The following KRT15 variants were observed in gnomAD, a reference collection of about 807,000 sequenced individuals.
KRT15 encodes the protein keratin 15, also known as keratin, type I cytoskeletal 15.
A neutral mutation model predicts 46.6 loss-of-function variants in KRT15; 45 were observed. The observed-to-expected ratio is 0.97, with a 90% CI of 0.76 to 1.24. The LOEUF is 1.24. Ranked by LOEUF, KRT15 falls within the 50% of genes most tolerant of loss-of-function variation. The pLI is 0.00. For synonymous variants in KRT15, 221 were observed against 233.8 expected, an observed-to-expected ratio of 0.95 and a Z score of 0.50; for missense variants, 592 against 588.9, an observed-to-expected ratio of 1.01 and a Z score of -0.05.
Position 41,514,692 on chromosome 17 carries a change from G to T in KRT15, c.1248-18C>A. On this transcript the variant is annotated intron_variant, in intron 6 of 7. Coordinates refer to ENST00000254043, the MANE Select transcript of KRT15 (RefSeq NM_002275.4). ...CAGCCATCCTGAAAGAAAGAGGGAAGCTGATTTAAGCAAAGGGCACAAGCT... is the reference window on the plus strand; with the variant it reads ...CAGCCATCCTGAAAGAAAGAGGGAATCTGATTTAAGCAAAGGGCACAAGCT... The T allele has an allele frequency of 6.2e-7, 1 of 1,613,120 alleles. No homozygotes were observed. Among genetic ancestry groups the T allele is most frequent in the Non-Finnish European group, 8.5e-7 (1 of 1,179,360 alleles).
chr17:41,518,406 T>A lies in KRT15; in HGVS notation c.422A>T (p.Tyr141Phe), dbSNP rs1445498753. The A allele has an allele frequency of 8.1e-6, 13 of 1,613,920 alleles. No individual in the cohort carries two copies. The Admixed American group carries it at 2.2e-4, about 27-fold the overall frequency. Residue 141 changes from tyrosine (Y) to phenylalanine (F), a missense_variant, in exon 1 of 8, where the codon TAC becomes TTC. Physicochemically the swap from Tyr to Phe is conservative, Grantham distance 22. Transcript: ENST00000254043. ...TGGGCTGGTTGGGGTCTGCTTCTGGTACCAGTCATGGATCTTCACCTCCAG... is the reference window on the plus strand; with the variant it reads ...TGGGCTGGTTGGGGTCTGCTTCTGGAACCAGTCATGGATCTTCACCTCCAG... ...ADLEVKIHDWYQKQTPTSPEC... is the reference protein window; with the variant it reads ...ADLEVKIHDWFQKQTPTSPEC...
chr17:41,515,194 T>A (rs1905294429), intron 6 of KRT15: 1 of 492,856 alleles, frequency 2.0e-6, no homozygotes, highest in Non-Finnish European at 3.7e-6. Context: ...AATACCCATC[T>A]ATCTCATGCA....
In KRT15 at chr17:41,518,818, T is replaced by A; in HGVS notation, c.10A>T (p.Thr4Ser). 1 of 1,531,630 alleles carries A rather than the reference T, an allele frequency of 6.5e-7. No individual in the cohort carries two copies. The highest frequency in any genetic ancestry group is 8.7e-7 in the Non-Finnish European group (1 of 1,145,570). 94.9% of individuals were successfully genotyped at this position (1,531,630 alleles called of 1,614,324 possible). Residue 4 changes from threonine to serine, a missense_variant, in exon 1 of 8, where the codon ACA becomes TCA. Physicochemically the swap from Thr to Ser is moderately conservative, Grantham distance 58. Transcript: ENST00000254043. ...GTGGAGGAAGAAGTTTGCAGAAATG[T>A]GGTGGTCATGGCCAGGTAGCTGGAG... MTT[T>S]FLQTSSSTFG...
At chr17:41,514,498 G>A in intron 7 of KRT15, 151 bp downstream of exon 7, 8 of 696,798 alleles carry the variant, frequency 1.1e-5, no homozygotes, top group South Asian at 1.1e-4. Flanking sequence ...GCTGACAGAA[G>A]TTCCCACTGG....
chr17:41,516,973 A>T lies in KRT15; in HGVS notation c.582-9T>A, dbSNP rs1168315338. 1 of 1,614,174 alleles carries T rather than the reference A, an allele frequency of 6.2e-7. No homozygotes were observed. The highest frequency in any genetic ancestry group is 8.5e-7 in the Non-Finnish European group (1 of 1,180,028). On this transcript the variant is annotated splice_polypyrimidine_tract_variant and intron_variant, in intron 2 of 7. Coordinates refer to ENST00000254043, the MANE Select transcript of KRT15 (RefSeq NM_002275.4). ...CCAGCTCATTCTCATACCTGAGGAG[A>T]GGGAGGCCAAAGAAGGAAGTGGGAG...
chr17:41,518,538 TC>T lies in KRT15; in HGVS notation c.289del (p.Asp97MetfsTer39), dbSNP rs1370824752. On this transcript the variant is annotated frameshift_variant, in exon 1 of 8. Coordinates refer to ENST00000254043, the MANE Select transcript of KRT15 (RefSeq NM_002275.4). LOFTEE classifies it high-confidence loss of function. ...GGFGGGFGGGDGGLLSGNEKI... is the reference protein window; with the variant it reads ...GGFGGGFGGGXGGLLSGNEKI... Reference sequence around the variant, plus strand: ...CTCATTGCCAGAGAGGAGACCACCATCGCCACCACCAAAGCCACCACCAAAA... The same window carrying T: ...CTCATTGCCAGAGAGGAGACCACCATGCCACCACCAAAGCCACCACCAAAA... The T allele has an allele frequency of 9.3e-6, 15 of 1,613,694 alleles. No homozygotes were observed. The African/African-American group carries it at 2.0e-4, about 22-fold the overall frequency.
At chr17:41,517,242 C>A in intron 1 of KRT15, 77 bp from the exon 2 acceptor site, 2 of 1,279,392 alleles carry the variant, frequency 1.6e-6, no homozygotes, top group South Asian at 1.3e-5. Context: ...CAAGGCCAGC[C>A]CCTCATTGAA....
intron 6 of KRT15, 185 bp from the exon 7 acceptor site, chr17:41,514,859 T>TTTTG (rs1369076127): frequency 3.8e-6 from 2 of 524,234 alleles, no homozygotes; most frequent in African/African-American, 3.9e-5. Context: ...AGTAGACAGA[T>TTTTG]TTTGTTTTGT....
chr17:41,518,557 C>T lies in KRT15; in HGVS notation c.271G>A (p.Gly91Ser). The T allele has an allele frequency of 6.2e-7, 1 of 1,614,002 alleles. No individual in the cohort carries two copies. Among genetic ancestry groups the T allele is most frequent in the Non-Finnish European group, 8.5e-7 (1 of 1,179,992 alleles). ...CCACCATCGCCACCACCAAAGCCACCACCAAAACCCCCACCAACGCCCCCT... is the reference window on the plus strand; with the variant it reads ...CCACCATCGCCACCACCAAAGCCACTACCAAAACCCCCACCAACGCCCCCT... ...FGGGVGGGFGGGFGGGDGGLL... is the reference protein window; with the variant it reads ...FGGGVGGGFGSGFGGGDGGLL... Residue 91 changes from glycine (G) to serine (S), a missense_variant, in exon 1 of 8, where the codon GGT becomes AGT. Transcript: ENST00000254043.
In KRT15 at chr17:41,517,071, G is replaced by A. The variant is rs377355451; in HGVS notation, c.581+12C>T. On this transcript the variant is annotated intron_variant, in intron 2 of 7. Transcript: ENST00000254043. ...GGCAATGCAGGAAGAGGAGAGAGAC[G>A]GGGGAGCGCACTTGAGCCTGAAGTC... 2.7e-4 allele frequency: 440 copies of A among 1,614,158 alleles called. 3 individuals carry two copies. The African/African-American group carries it at 4.8e-3, about 18-fold the overall frequency.
At chr17:41,516,985 G>T in intron 2 of KRT15, 21 bp from the exon 3 acceptor site, 6 of 1,614,244 alleles carry the variant, frequency 3.7e-6, no homozygotes, top group Non-Finnish European at 5.1e-6. Context: ...GGAGGCCAAA[G>T]AAGGAAGTGG....
Position 41,518,425 on chromosome 17 carries a change from C to A in KRT15, c.403G>T (p.Val135Leu), listed in dbSNP as rs746751590. 4.3e-6 allele frequency: 7 copies of A among 1,614,006 alleles called. No homozygotes were observed. The African/African-American group carries it at 9.3e-5, about 22-fold the overall frequency. The change falls in exon 1 of 8, where the codon GTG (valine) becomes TTG (leucine). Residue 135 changes from valine to leucine, a missense_variant. By Grantham distance (32) the Val-to-Leu change is conservative. Coordinates refer to ENST00000254043, the MANE Select transcript of KRT15 (RefSeq NM_002275.4). Reference sequence around the variant, plus strand: ...TTCTGGTACCAGTCATGGATCTTCACCTCCAGGTCAGCATTGGCCTCCTCC... The same window carrying A: ...TTCTGGTACCAGTCATGGATCTTCAACTCCAGGTCAGCATTGGCCTCCTCC... ...ALEEANADLEVKIHDWYQKQT... is the reference protein window; with the variant it reads ...ALEEANADLELKIHDWYQKQT...
chr17:41,514,859 T>C, intron 6 of KRT15, 185 bp from the exon 7 acceptor site: 1 of 524,352 alleles, frequency 1.9e-6, no homozygotes, highest in Non-Finnish European at 3.4e-6. Flanking sequence ...AGTAGACAGA[T>C]TTTGTTTTGT....
chr17:41,516,170 C>T lies in KRT15; in HGVS notation c.834G>A (p.Met278Ile). ...GVDLTRVLAE[M>I]REQYEAMAEK... is the part of the protein sequence containing the mutation. ...CCGCCATGGCCTCGTACTGCTCCCTCATCTCTGCCAGCACACGGGTCAGGT... is the reference window on the plus strand; with the variant it reads ...CCGCCATGGCCTCGTACTGCTCCCTTATCTCTGCCAGCACACGGGTCAGGT... Residue 278 changes from methionine to isoleucine, a missense_variant, in exon 4 of 8, where the codon ATG (methionine) becomes ATA (isoleucine). Coordinates refer to ENST00000254043, the MANE Select transcript of KRT15 (RefSeq NM_002275.4). 5 of 1,614,212 alleles carry T rather than the reference C, an allele frequency of 3.1e-6. No individual in the cohort carries two copies. The highest frequency in any genetic ancestry group is 4.2e-6 in the Non-Finnish European group (5 of 1,180,038).
chr17:41,515,490 A>G lies in KRT15; in HGVS notation c.1229T>C (p.Leu410Pro). Reference sequence around the variant, plus strand: ...CGCCTACTTGGCATCCTGGCCCTCGAGCAGGCTGCGGTAAGTAGCGATCTC... The same window carrying G: ...CGCCTACTTGGCATCCTGGCCCTCGGGCAGGCTGCGGTAAGTAGCGATCTC... Reference protein sequence around the residue: ...EQEIATYRSLLEGQDAKMAGI... With the variant: ...EQEIATYRSLPEGQDAKMAGI... The change falls in exon 6 of 8, where the codon CTC becomes CCC. Residue 410 changes from leucine (L) to proline (P), a missense_variant. Transcript: ENST00000254043. 6.2e-7 allele frequency: 1 copy of G among 1,613,596 alleles called. No individual in the cohort carries two copies. The highest frequency in any genetic ancestry group is 1.1e-5 in the South Asian group (1 of 91,078).
At position 41,516,965 on chromosome 17, in the gene KRT15, C is replaced by T. The variant is rs113967713; in HGVS notation, c.582-1G>A. 6.2e-7 allele frequency: 1 copy of T among 1,614,252 alleles called. No individual in the cohort carries two copies. Among genetic ancestry groups the T allele is most frequent in the Non-Finnish European group, 8.5e-7 (1 of 1,180,050 alleles). On this transcript the variant is annotated splice_acceptor_variant, in intron 2 of 7. Transcript: ENST00000254043. LOFTEE classifies it high-confidence loss of function. ...GCGCAGGGCCAGCTCATTCTCATAC[C>T]TGAGGAGAGGGAGGCCAAAGAAGGA...
chr17:41,518,478 G>T lies in KRT15; in HGVS notation c.350C>A (p.Ala117Asp). The T allele has an allele frequency of 6.2e-7, 1 of 1,614,002 alleles. No homozygotes were observed. The highest frequency in any genetic ancestry group is 8.5e-7 in the Non-Finnish European group (1 of 1,179,998). The change falls in exon 1 of 8, where the codon GCC becomes GAC. Residue 117 changes from alanine to aspartate, a missense_variant. Physicochemically the swap from Ala to Asp is moderately radical, Grantham distance 126 (BLOSUM62 -2). Coordinates refer to ENST00000254043, the MANE Select transcript of KRT15 (RefSeq NM_002275.4). Reference sequence around the variant, plus strand: ...GGCACGTACCTTGTCCAGGTAGGAGGCCAGGCGGTCATTGAGGTTCTGCAT... The same window carrying T: ...GGCACGTACCTTGTCCAGGTAGGAGTCCAGGCGGTCATTGAGGTTCTGCAT... ...ITMQNLNDRL[A>D]SYLDKVRALE...
chr17:41,514,615 C>G, intron 7 of KRT15, 34 bp downstream of exon 7: 1 of 1,605,958 alleles, frequency 6.2e-7, no homozygotes, highest in Non-Finnish European at 8.5e-7. Flanking sequence ...ATCTCCCCTC[C>G]CCACCCCACA....
Position 41,518,316 on chromosome 17 carries a change from A to G in KRT15, c.498+14T>C. On this transcript the variant is annotated intron_variant, in intron 1 of 7. Coordinates refer to ENST00000254043, the MANE Select transcript of KRT15 (RefSeq NM_002275.4). ...AGCCACCTGCTCCCCTCTCTTTGAC[A>G]TCCGAGGACTCACCTTGTCCCGGAG... 6.2e-7 allele frequency: 1 copy of G among 1,602,564 alleles called. No homozygotes were observed. The highest frequency in any genetic ancestry group is 8.5e-7 in the Non-Finnish European group (1 of 1,172,194).
Sources: gnomAD v4.1 joint callset for allele counts on GRCh38, gnomAD v4.1.1 for gene constraint, MANE v1.5 for transcripts, NCBI Gene and HGNC (gene_info 2026-07-23, HGNC 2026-07-21) for gene names.